ARHGEF10L: variants seen among roughly 807,000 people sequenced by gnomAD.
ARHGEF10L encodes Rho guanine nucleotide exchange factor 10 like.
ARHGEF10L carries 69 observed loss-of-function variants against 141.2 expected under a neutral mutation model. The observed-to-expected ratio is 0.49, with a 90% CI of 0.40 to 0.60. ARHGEF10L has a LOEUF of 0.60. Among genes scored for constraint, ARHGEF10L ranks in the 20% least tolerant of loss-of-function variants. The probability of loss-of-function intolerance (pLI) is 0.00; values close to 1 mark genes in which losing one functional copy is unlikely to be tolerated. For missense variants in ARHGEF10L, 1,482 were observed against 1,734.3 expected, an observed-to-expected ratio of 0.85 and a Z score of 2.58; for synonymous variants, 711 against 718.5, an observed-to-expected ratio of 0.99 and a Z score of 0.17.
chr1:17,672,459 G>A (rs946994789), intron 26 of ARHGEF10L, among the ~76,000 whole-genome samples: 9 of 152,118 alleles, frequency 5.9e-5, no homozygotes, highest in South Asian at 4.1e-4. Flanking sequence ...CCCTCCCAGC[G>A]CCCAGGAGCT....
At chr1:17,522,094 T>G in the ARHGEF10L span, among the ~76,000 whole-genome samples, 1 of 152,022 alleles carries the variant, frequency 6.6e-6, no homozygotes, top group Non-Finnish European at 1.5e-5. Flanking sequence ...ACTGTCAGGG[T>G]TTCCTTGGAG....
rs1287325327 is a variant in ARHGEF10L at position 17,638,838 on chromosome 1, A to G, written c.2171+149A>G. ...GTAGGCATCGTGGGCCATGTCTGGG[A>G]TAGCATCTGGCACGCAGTAGGTGCT... On this transcript the variant is annotated intron_variant, in intron 20 of 28. Coordinates refer to ENST00000361221, the MANE Select transcript of ARHGEF10L (RefSeq NM_018125.4). 3 of 1,194,904 alleles carry G rather than the reference A, an allele frequency of 2.5e-6. No homozygotes were observed. In the African/African-American group the frequency reaches 4.6e-5, roughly 18 times the overall value. The allele number at this position is 1,194,904 out of a possible 1,614,324, so 74.0% of individuals were successfully genotyped here. A position where few individuals can be genotyped will look rare whatever the true frequency, so the allele number is the denominator to read the frequency against.
In ARHGEF10L at chr1:17,634,832, C is replaced by A. The variant is rs2060906616; in HGVS notation, c.1746-3C>A. 6.2e-7 allele frequency: 1 copy of A among 1,611,574 alleles called. No individual in the cohort carries two copies. Among genetic ancestry groups the A allele is most frequent in the South Asian group, 1.1e-5 (1 of 90,600 alleles). On this transcript the variant is annotated splice_polypyrimidine_tract_variant and splice_region_variant and intron_variant, in intron 17 of 28. Transcript: ENST00000361221. ...CAGGGCCTTGTCCTCTCTGTTCCAA[C>A]AGGGGCCAGCTGGAGATCAGCAGCC...
At chr1:17,693,252 G>A (rs973591895) in intron 27 of ARHGEF10L, among the ~76,000 whole-genome samples, 4 of 152,216 alleles carry the variant, frequency 2.6e-5, no homozygotes, top group African/African-American at 9.6e-5. Flanking sequence ...CAGCACGGTA[G>A]GGAACATGTC....
the ARHGEF10L span, among the ~76,000 whole-genome samples, chr1:17,526,038 A>G: frequency 1.3e-5 from 2 of 150,632 alleles, no homozygotes; most frequent in African/African-American, 4.9e-5. Context: ...AAAGAAAACC[A>G]GGAGGAAAAG....
chr1:17,603,569 G>C lies in ARHGEF10L; in HGVS notation c.411G>C (p.Glu137Asp), dbSNP rs1469412995. The change falls in exon 6 of 29, where the codon GAG (glutamate) becomes GAC (aspartate). Residue 137 changes from glutamate to aspartate, a missense_variant. Physicochemically the swap from Glu to Asp is conservative, Grantham distance 45. This residue lies in a region of ARHGEF10L where 232 missense variants were observed against 225.9 expected (regional missense o/e 1.03). Coordinates refer to ENST00000361221, the MANE Select transcript of ARHGEF10L (RefSeq NM_018125.4). The surrounding 1 kb of genome is among the most constrained non-coding windows in gnomAD (Gnocchi z 4.8). ...EDVIYDDVPC[E>D]SPDAHQPGAE... Reference sequence around the variant, plus strand: ...TGATTTATGACGACGTCCCCTGCGAGAGCCCAGATGCGCATCAGCCCGGTA... The same window carrying C: ...TGATTTATGACGACGTCCCCTGCGACAGCCCAGATGCGCATCAGCCCGGTA... 1.2e-6 allele frequency: 2 copies of C among 1,613,384 alleles called. No homozygotes were observed. Among genetic ancestry groups the C allele is most frequent in the Non-Finnish European group, 1.7e-6 (2 of 1,179,732 alleles).
chr1:17,543,579 G>A (rs953104375), intron 1 of ARHGEF10L, among the ~76,000 whole-genome samples: 4 of 150,060 alleles, frequency 2.7e-5, no homozygotes, highest in Admixed American at 6.6e-5. Flanking sequence ...GTAAAACTCC[G>A]TCTCAAAAAA....
chr1:17,570,902 G>A (rs904317644), intron 1 of ARHGEF10L, among the ~76,000 whole-genome samples: 1 of 152,140 alleles, frequency 6.6e-6, no homozygotes, highest in Non-Finnish European at 1.5e-5. Context: ...TTAGCAGCTG[G>A]TGGGATGGTG....
In ARHGEF10L at chr1:17,633,287, T is replaced by G. The variant is rs187107274; in HGVS notation, c.1730+821T>G. ...TACTCCCTGAGAACTTCAGCTGTGGTTTTTCTAGCCAGGCTCTTAGGAGAA... is the reference window on the plus strand; with the variant it reads ...TACTCCCTGAGAACTTCAGCTGTGGGTTTTCTAGCCAGGCTCTTAGGAGAA... On this transcript the variant is annotated intron_variant, in intron 16 of 28. Transcript: ENST00000361221. Among the ~76,000 whole-genome samples, 3 of 152,306 alleles carry G rather than the reference T, an allele frequency of 2.0e-5. No homozygotes were observed. In the East Asian group the frequency reaches 5.8e-4, roughly 29 times the overall value.
At position 17,632,797 on chromosome 1, in the gene ARHGEF10L, G is replaced by C. The variant is rs559808646; in HGVS notation, c.1730+331G>C. On this transcript the variant is annotated intron_variant, in intron 16 of 28. Coordinates refer to ENST00000361221, the MANE Select transcript of ARHGEF10L (RefSeq NM_018125.4). The stretch of plus-strand genomic sequence containing the variant: ...GAGATTCTTCCTTGTGTCTACCCCA[G>C]ATCCCTGCGGCTTTAACTCAAATCT... Among the ~76,000 whole-genome samples the C allele has an allele frequency of 6.6e-5, 10 of 152,290 alleles. No homozygotes were observed. The East Asian group carries it at 1.5e-3, about 24-fold the overall frequency.
At chr1:17,522,437 G>A in the ARHGEF10L span, among the ~76,000 whole-genome samples, 1 of 152,116 alleles carries the variant, frequency 6.6e-6, no homozygotes, top group Non-Finnish European at 1.5e-5. Context: ...GCTGCCTGGG[G>A]CCACACAGCT....
chr1:17,567,350 T>A (rs554922227), intron 1 of ARHGEF10L, among the ~76,000 whole-genome samples: 1 of 152,208 alleles, frequency 6.6e-6, no homozygotes, highest in East Asian at 1.9e-4. Flanking sequence ...CCTGGAGGGG[T>A]TTGCTGTCCC....
At chr1:17,635,167 C>A in intron 18 of ARHGEF10L, 151 bp downstream of exon 18, 2 of 958,672 alleles carry the variant, frequency 2.1e-6, no homozygotes, top group Non-Finnish European at 3.1e-6. Flanking sequence ...GGTTTTGCAG[C>A]CCCACCCTGG....
intron 10 of ARHGEF10L, among the ~76,000 whole-genome samples, chr1:17,620,513 G>T (rs571215239): frequency 1.1e-4 from 16 of 152,188 alleles, no homozygotes; most frequent in Non-Finnish European, 2.2e-4. Flanking sequence ...GAGTACCTGG[G>T]GATTGTTGAC....
intron 18 of ARHGEF10L, among the ~76,000 whole-genome samples, chr1:17,637,109 G>T (rs181566636): frequency 6.6e-6 from 1 of 152,096 alleles, no homozygotes; most frequent in Non-Finnish European, 1.5e-5. Flanking sequence ...TCCGCCACTT[G>T]TCCTGCCAAG....
intron 1 of ARHGEF10L, among the ~76,000 whole-genome samples, chr1:17,575,335 A>T (rs1224668270): frequency 1.3e-5 from 2 of 152,248 alleles, no homozygotes; most frequent in African/African-American, 4.8e-5. Context: ...AAATATTTTT[A>T]AAAAGCTTCA....
chr1:17,686,078 T>G (rs35624169), intron 26 of ARHGEF10L, among the ~76,000 whole-genome samples: 4 of 140,552 alleles, frequency 2.8e-5, no homozygotes, highest in Non-Finnish European at 4.5e-5. Context: ...GTTTTGTTTT[T>G]TTTCTTTCTT....
In ARHGEF10L at chr1:17,638,628, G is replaced by A. The variant is rs2061152577; in HGVS notation, c.2110G>A (p.Glu704Lys). ...ALQRLMRVKE[E>K]EIHSANKCRL... is the part of the protein sequence containing the mutation. ...GCAGAGGCTGATGCGGGTGAAGGAG[G>A]AAGAGATCCACTCGGCCAACAAGTG... is the stretch of plus-strand genomic sequence containing the variant. Residue 704 changes from glutamate (E) to lysine (K), a missense_variant, in exon 20 of 29, where the codon GAA becomes AAA. By Grantham distance (56) the Glu-to-Lys change is moderately conservative. Around this residue, in one of 3 missense-constraint regions of ARHGEF10L, gnomAD observed 858 missense variants for 966.3 expected, o/e 0.89. Transcript: ENST00000361221. 4 of 1,614,064 alleles carry A rather than the reference G, an allele frequency of 2.5e-6. No individual in the cohort carries two copies. Among genetic ancestry groups the A allele is most frequent in the Non-Finnish European group, 3.4e-6 (4 of 1,180,044 alleles).
At chr1:17,578,528 T>A (rs1217740014) in intron 1 of ARHGEF10L, among the ~76,000 whole-genome samples, 4 of 104,052 alleles carry the variant, frequency 3.8e-5, no homozygotes, top group South Asian at 4.1e-4. Context: ...CTAGAAAAAA[T>A]TTTAAAAAAT....
Sources: gnomAD v4.1 joint callset for allele counts (sites outside exome capture counted in the v4.1 genomes callset) on GRCh38, gnomAD v4.1.1 for gene constraint, gnomAD v4.1.1 regional missense constraint, Gnocchi (gnomAD v3.1) non-coding constraint, MANE v1.5 for transcripts, NCBI Gene and HGNC (gene_info 2026-07-23, HGNC 2026-07-21) for gene names.